GLYR1: variants seen among roughly 807,000 people sequenced by gnomAD.
The protein encoded by GLYR1 is cytokine-like nuclear factor N-PAC.
A neutral mutation model predicts 72.7 loss-of-function variants in GLYR1; 21 were observed. The ratio of observed to expected loss-of-function variants is 0.29; its 90% confidence interval spans 0.20 to 0.42. The LOEUF (loss-of-function observed/expected upper bound fraction) is 0.42, where lower values mean the gene tolerates loss of function less well. Ranked by LOEUF, GLYR1 falls within the 10% of genes least tolerant of loss-of-function variation. GLYR1 has a pLI of 1.00. For synonymous variants in GLYR1, 392 were observed against 270.2 expected (o/e 1.45, Z -4.42); for missense variants, 594 against 712.1 (o/e 0.83, Z 1.89).
intron 5 of GLYR1, among the ~76,000 whole-genome samples, chr16:4,828,934 C>T (rs2084607794): frequency 6.6e-6 from 1 of 152,098 alleles, no homozygotes; most frequent in South Asian, 2.1e-4. Context: ...CATGGCTTCA[C>T]ATACCAGACA....
intron 9 of GLYR1, among the ~76,000 whole-genome samples, chr16:4,819,571 A>G (rs2083880709): frequency 6.6e-6 from 1 of 152,146 alleles, no homozygotes; most frequent in African/African-American, 2.4e-5. Flanking sequence ...TTGGTCTCCC[A>G]AAGTGTGGGG....
chr16:4,820,489 T>C (rs1169602978), intron 9 of GLYR1, among the ~76,000 whole-genome samples: 1 of 152,178 alleles, frequency 6.6e-6, no homozygotes, highest in Non-Finnish European at 1.5e-5. Context: ...CCTCACCCTA[T>C]CCTGATCATT....
chr16:4,812,637 C>T (rs752003879), intron 12 of GLYR1, among the ~76,000 whole-genome samples: 16 of 150,482 alleles, frequency 1.1e-4, no homozygotes, highest in Non-Finnish European at 7.4e-5. Context: ...GGACTACAGG[C>T]GTCCACCACC....
At chr16:4,817,766 G>C in intron 9 of GLYR1, 69 bp from the exon 10 acceptor site, 1 of 977,098 alleles carries the variant, frequency 1.0e-6, no homozygotes, top group Admixed American at 1.7e-5. Context: ...ATTCCATGCA[G>C]CACAAGGCTC....
chr16:4,832,734 C>T (rs753028658), intron 4 of GLYR1, 40 bp downstream of exon 4: 1 of 1,562,614 alleles, frequency 6.4e-7, no homozygotes, highest in South Asian at 1.2e-5. Flanking sequence ...CAAAAATCAC[C>T]AGTCTGGCAT....
At position 4,823,815 on chromosome 16, in the gene GLYR1, C is replaced by T; in HGVS notation, c.624+6G>A. The T allele has an allele frequency of 6.2e-7, 1 of 1,613,660 alleles. No individual in the cohort carries two copies. On this transcript the variant is annotated splice_donor_region_variant and intron_variant, in intron 6 of 15. Transcript: ENST00000321919. ...AGCTTGTCCTGCCTGCAGGAGAGCT[C>T]CTTACCTCGCTTGCGGTTGGCTGCC...
chr16:4,831,980 T>C lies in GLYR1; in HGVS notation c.536A>G (p.Lys179Arg). 1.2e-6 allele frequency: 2 copies of C among 1,612,830 alleles called. No homozygotes were observed. The highest frequency in any genetic ancestry group is 1.7e-6 in the Non-Finnish European group (2 of 1,179,488). ...RKRGRPPKDE[K>R]DLTIPESSTV... Reference sequence around the variant, plus strand: ...GGAAGCTGCAGAGAGAAAACAAACCTTCTCATCCTTTGGGGGCCGACCCCG... The same window carrying C: ...GGAAGCTGCAGAGAGAAAACAAACCCTCTCATCCTTTGGGGGCCGACCCCG... The change falls in exon 5 of 16, where the codon AAG (lysine) becomes AGG (arginine). Residue 179 changes from lysine to arginine, a missense_variant and splice_region_variant. Around this residue, in one of 5 missense-constraint regions of GLYR1, gnomAD observed 252 missense variants for 211.3 expected, o/e 1.19. Transcript: ENST00000321919.
intron 10 of GLYR1, among the ~76,000 whole-genome samples, chr16:4,815,081 C>T (rs2083554530): frequency 6.6e-6 from 1 of 151,458 alleles, no homozygotes; most frequent in Admixed American, 6.6e-5. Flanking sequence ...AATAAGACTT[C>T]TGGAAGTGCC....
chr16:4,821,637 A>C (rs1291965151), intron 7 of GLYR1, 40 bp from the exon 8 acceptor site: 20 of 1,570,996 alleles, frequency 1.3e-5, no homozygotes, highest in Non-Finnish European at 1.8e-5. Context: ...GTGCTACTGC[A>C]GGCTTAACCA....
chr16:4,838,390 C>A (rs1000943183), intron 3 of GLYR1, among the ~76,000 whole-genome samples: 2 of 152,092 alleles, frequency 1.3e-5, no homozygotes, highest in Non-Finnish European at 2.9e-5. Flanking sequence ...GAAAGATGAC[C>A]CTGTGCACTT....
At position 4,823,921 on chromosome 16, in the gene GLYR1, G is replaced by T; in HGVS notation, c.538-14C>A. 1 of 1,605,210 alleles carries T rather than the reference G, an allele frequency of 6.2e-7. No homozygotes were observed. Among genetic ancestry groups the T allele is most frequent in the Non-Finnish European group, 8.5e-7 (1 of 1,172,202 alleles). On this transcript the variant is annotated splice_polypyrimidine_tract_variant and intron_variant, in intron 5 of 15. Coordinates refer to ENST00000321919, the MANE Select transcript of GLYR1 (RefSeq NM_032569.4). ...GATGGTGAGATCCTATAGAGGGAGG[G>T]GCAGGGCATTTTAAAATCACATTCA...
chr16:4,805,416 G>T, intron 15 of GLYR1, 106 bp from the exon 16 acceptor site: 1 of 910,554 alleles, frequency 1.1e-6, no homozygotes, highest in Non-Finnish European at 1.8e-6. Context: ...CAGTGCTGGA[G>T]CCCAGGCTGT....
chr16:4,823,954 A>G (rs1415547129), intron 5 of GLYR1, 47 bp from the exon 6 acceptor site: 3 of 1,465,632 alleles, frequency 2.0e-6, no homozygotes, highest in Admixed American at 1.7e-5. Context: ...TCAAACCCCA[A>G]CAAAACCCCT....
chr16:4,818,403 T>C (rs2083790135), intron 9 of GLYR1, among the ~76,000 whole-genome samples: 1 of 152,178 alleles, frequency 6.6e-6, no homozygotes, highest in Non-Finnish European at 1.5e-5. Context: ...CAAGTAATCC[T>C]TCCCCCTCAG....
At chr16:4,815,477 T>C (rs1350143160) in intron 10 of GLYR1, among the ~76,000 whole-genome samples, 2 of 152,220 alleles carry the variant, frequency 1.3e-5, no homozygotes, top group Non-Finnish European at 2.9e-5. Flanking sequence ...GGCTGACCTG[T>C]AGTTTGACAC....
intron 3 of GLYR1, chr16:4,843,527 G>A: frequency 3.1e-6 from 4 of 1,288,358 alleles, no homozygotes; most frequent in Non-Finnish European, 3.0e-6. Flanking sequence ...ACAGCTCCAG[G>A]CCAGCGATCT....
chr16:4,831,653 G>A (rs911074320), intron 5 of GLYR1, among the ~76,000 whole-genome samples: 1 of 152,136 alleles, frequency 6.6e-6, no homozygotes, highest in Non-Finnish European at 1.5e-5. Flanking sequence ...TCTCTCACCT[G>A]GTCTATGGGA....
chr16:4,831,805 G>A (rs561097758), intron 5 of GLYR1, among the ~76,000 whole-genome samples, 174 bp downstream of exon 5: 1 of 152,184 alleles, frequency 6.6e-6, no homozygotes, highest in African/African-American at 2.4e-5. Flanking sequence ...TGAGTTGCTG[G>A]GATAAAGCAT....
At chr16:4,828,663 G>C (rs777614993) in intron 5 of GLYR1, among the ~76,000 whole-genome samples, 1 of 152,018 alleles carries the variant, frequency 6.6e-6, no homozygotes, top group South Asian at 2.1e-4. Context: ...CAAACCTAAA[G>C]AACTGATCAA....
Sources: allele counts gnomAD v4.1 joint callset (sites outside exome capture counted in the v4.1 genomes callset), GRCh38; gene constraint gnomAD v4.1.1; regional missense constraint gnomAD v4.1.1; transcripts MANE v1.5; gene names NCBI Gene and HGNC (gene_info 2026-07-23, HGNC 2026-07-21).